Variants in ANKRD33B observed in about 807,000 individuals in gnomAD.
ANKRD33B encodes ankyrin repeat domain-containing protein 33B.
In ANKRD33B, 6 loss-of-function variants were observed where a neutral mutation model predicts 21.5. That is an observed-to-expected ratio of 0.28 (90% confidence interval 0.15 to 0.55). The LOEUF (loss-of-function observed/expected upper bound fraction) is 0.55. ANKRD33B is among the 20% of genes least tolerant of loss of function. The pLI, the probability that ANKRD33B is intolerant of heterozygous loss-of-function variation, is 0.94. For synonymous variants in ANKRD33B, 347 were observed against 342.4 expected (o/e 1.01, Z -0.15); for missense variants, 698 against 747.2 (o/e 0.93, Z 0.77).
intron 2 of ANKRD33B, among the ~76,000 whole-genome samples, chr5:10,629,962 G>T (rs147179531): frequency 1.0e-3 from 154 of 152,328 alleles, no homozygotes; most frequent in African/African-American, 3.7e-3. Context: ...TTTCAGCAAA[G>T]TCAGAGAGTG....
intron 2 of ANKRD33B, among the ~76,000 whole-genome samples, chr5:10,633,749 C>T (rs142972948): frequency 2.6e-5 from 4 of 152,300 alleles, no homozygotes; most frequent in Non-Finnish European, 4.4e-5. Context: ...GAGGACTGGT[C>T]AGGTACATTG....
chr5:10,619,771 A>T lies in ANKRD33B; in HGVS notation c.496+1309A>T, dbSNP rs1448665348. On this transcript the variant is annotated intron_variant, in intron 2 of 3. Coordinates refer to ENST00000296657, the MANE Select transcript of ANKRD33B (RefSeq NM_001164440.2). This position sits in a 1 kb window ranked among gnomAD's most constrained non-coding sequence, Gnocchi z 4.5. ...CGTTTCCTCTCGTGGGCCAGCTGCC[A>T]TGTCAGGGACCAAGGATACAGAAGT... Among the ~76,000 whole-genome samples the T allele has an allele frequency of 6.6e-6, 1 of 152,184 alleles. No homozygotes were observed.
At chr5:10,570,611 A>G (rs1159635548) in intron 1 of ANKRD33B, among the ~76,000 whole-genome samples, 1 of 152,024 alleles carries the variant, frequency 6.6e-6, no homozygotes, top group Non-Finnish European at 1.5e-5. Context: ...AGGCTGGAGT[A>G]CAGTGGCATA....
chr5:10,598,837 G>A (rs991680008), intron 1 of ANKRD33B, among the ~76,000 whole-genome samples: 16 of 152,128 alleles, frequency 1.1e-4, no homozygotes, highest in Non-Finnish European at 1.5e-4. Flanking sequence ...TGAATCACTT[G>A]AGCCCAGAAG....
chr5:10,618,693 A>T (rs796211615), intron 2 of ANKRD33B, among the ~76,000 whole-genome samples: 2 of 152,352 alleles, frequency 1.3e-5, no homozygotes, highest in African/African-American at 4.8e-5. Context: ...AAGTTTTTGA[A>T]TATGAATCTG....
chr5:10,641,629 G>T (rs562485711), intron 3 of ANKRD33B, among the ~76,000 whole-genome samples: 1 of 151,956 alleles, frequency 6.6e-6, no homozygotes, highest in Non-Finnish European at 1.5e-5. Flanking sequence ...GTCTGAGCCC[G>T]TCTGTTGTTT....
chr5:10,579,262 T>C (rs1735389144), intron 1 of ANKRD33B, among the ~76,000 whole-genome samples: 1 of 151,604 alleles, frequency 6.6e-6, no homozygotes, highest in African/African-American at 2.4e-5. Context: ...CTCATATCAT[T>C]CTTATGGATT....
intron 1 of ANKRD33B, among the ~76,000 whole-genome samples, chr5:10,588,697 C>G (rs1735618511): frequency 6.6e-6 from 1 of 152,210 alleles, no homozygotes; most frequent in Non-Finnish European, 1.5e-5. Context: ...TCCGGGCAAC[C>G]CACAATTTTC....
At chr5:10,583,199 A>G (rs1248023980) in intron 1 of ANKRD33B, among the ~76,000 whole-genome samples, 1 of 151,788 alleles carries the variant, frequency 6.6e-6, no homozygotes, top group Non-Finnish European at 1.5e-5. Flanking sequence ...GGTTTTCCCC[A>G]TGTTGGCCAG....
chr5:10,613,374 T>G (rs1736214715), intron 1 of ANKRD33B, among the ~76,000 whole-genome samples: 1 of 150,682 alleles, frequency 6.6e-6, no homozygotes. Context: ...AAGCTCTGCC[T>G]CCCGGGTTCA....
At chr5:10,583,198 C>T (rs1579715729) in intron 1 of ANKRD33B, among the ~76,000 whole-genome samples, 1 of 152,044 alleles carries the variant, frequency 6.6e-6, no homozygotes, top group Admixed American at 6.6e-5. Context: ...AGGTTTTCCC[C>T]ATGTTGGCCA....
At chr5:10,568,988 A>C (rs1415132904) in intron 1 of ANKRD33B, among the ~76,000 whole-genome samples, 4 of 152,178 alleles carry the variant, frequency 2.6e-5, no homozygotes, top group Non-Finnish European at 5.9e-5. Flanking sequence ...CTTAATTTTC[A>C]TAGATTTATA....
At chr5:10,617,775 C>A (rs754279554) in intron 1 of ANKRD33B, among the ~76,000 whole-genome samples, 4 of 152,208 alleles carry the variant, frequency 2.6e-5, no homozygotes, top group Non-Finnish European at 4.4e-5. Context: ...CTAGCCCTGC[C>A]GGCCAATGGG....
chr5:10,592,019 A>G (rs1443166241), intron 1 of ANKRD33B, among the ~76,000 whole-genome samples: 2 of 151,986 alleles, frequency 1.3e-5, no homozygotes, highest in African/African-American at 4.8e-5. Context: ...GTATGTATGT[A>G]TATATATTAT....
intron 1 of ANKRD33B, among the ~76,000 whole-genome samples, chr5:10,613,990 CGTGTGTGTGTGTGTGTGTGTGT>C (rs59864065): frequency 2.1e-5 from 3 of 141,290 alleles, no homozygotes; most frequent in Admixed American, 7.0e-5. Context: ...CCAGAGAAAT[CGTGTGTGTGTGTGTGTGTGTGT>C]GTGTGTGTGT....
At chr5:10,624,834 T>G (rs781370962) in intron 2 of ANKRD33B, 1 of 456,638 alleles carries the variant, frequency 2.2e-6, no homozygotes, top group South Asian at 1.5e-5. Context: ...AACACAGATC[T>G]GGTGGAAACA....
At chr5:10,602,264 G>C (rs1467667872) in intron 1 of ANKRD33B, among the ~76,000 whole-genome samples, 1 of 152,216 alleles carries the variant, frequency 6.6e-6, no homozygotes, top group African/African-American at 2.4e-5. Flanking sequence ...GTAATTGCAG[G>C]CTCCCAGCCA....
chr5:10,578,154 A>G (rs1257240724), intron 1 of ANKRD33B, among the ~76,000 whole-genome samples: 1 of 152,244 alleles, frequency 6.6e-6, no homozygotes, highest in Non-Finnish European at 1.5e-5. Flanking sequence ...CAGACCCTGT[A>G]GATGATCAGC....
chr5:10,601,134 TG>T (rs957457381), intron 1 of ANKRD33B, among the ~76,000 whole-genome samples: 1 of 151,982 alleles, frequency 6.6e-6, no homozygotes, highest in African/African-American at 2.4e-5. Flanking sequence ...AGAATAGGGT[TG>T]GGGGGCATAT....
Sources: gnomAD v4.1 joint callset for allele counts (sites outside exome capture counted in the v4.1 genomes callset) on GRCh38, gnomAD v4.1.1 for gene constraint, Gnocchi (gnomAD v3.1) non-coding constraint, MANE v1.5 for transcripts, NCBI Gene and HGNC (gene_info 2026-07-23, HGNC 2026-07-21) for gene names.